LRRTM4: variants seen among roughly 807,000 people sequenced by gnomAD.
LRRTM4 encodes the protein leucine rich repeat transmembrane neuronal 4.
LRRTM4 carries 25 observed loss-of-function variants against 47.6 expected under a neutral mutation model. The ratio of observed to expected loss-of-function variants is 0.53; its 90% CI spans 0.38 to 0.73. The LOEUF (loss-of-function observed/expected upper bound fraction) is 0.73. LRRTM4 is among the 30% of genes least tolerant of loss of function. LRRTM4 has a pLI of 0.00. For missense variants in LRRTM4, 638 were observed against 713.4 expected (o/e 0.89, Z 1.20); for synonymous variants, 311 against 269.5 (o/e 1.15, Z -1.51).
chr2:77,202,750 C>G (rs983137517), intron 3 of LRRTM4, among the ~76,000 whole-genome samples: 1 of 151,712 alleles, frequency 6.6e-6, no homozygotes, highest in Non-Finnish European at 1.5e-5. Flanking sequence ...ACAGTTATCA[C>G]TTTTATTTGT....
chr2:76,978,537 TAG>T (rs1194579467), intron 3 of LRRTM4, among the ~76,000 whole-genome samples: 7 of 152,068 alleles, frequency 4.6e-5, no homozygotes, highest in Non-Finnish European at 7.4e-5. Context: ...ATGGATGAGA[TAG>T]AGAGACATGG....
intron 3 of LRRTM4, among the ~76,000 whole-genome samples, chr2:77,248,797 G>A (rs1318048641): frequency 6.6e-6 from 1 of 151,860 alleles, no homozygotes; most frequent in Non-Finnish European, 1.5e-5. Flanking sequence ...TAATGGAGAA[G>A]AACAATCTTT....
intron 3 of LRRTM4, among the ~76,000 whole-genome samples, chr2:76,855,230 C>A (rs1672115092): frequency 6.6e-6 from 1 of 152,204 alleles, no homozygotes; most frequent in East Asian, 1.9e-4. Context: ...CCCGTGTAAG[C>A]CATCAGTTGT....
At chr2:77,090,881 T>G (rs982893538) in intron 3 of LRRTM4, among the ~76,000 whole-genome samples, 8 of 152,014 alleles carry the variant, frequency 5.3e-5, no homozygotes, top group Non-Finnish European at 1.0e-4. Context: ...CCCTAGACCA[T>G]CACGGACGCC....
At position 77,012,272 on chromosome 2, in the gene LRRTM4, CATT is replaced by C. The variant is rs527721516; in HGVS notation, c.1552-263359_1552-263357del. 4.6e-4 allele frequency among the ~76,000 whole-genome samples: 70 copies of C among 152,110 alleles called. No individual in the cohort carries two copies. In the South Asian group the frequency reaches 8.5e-3, roughly 18 times the overall value. ...AGAAATAATTATTATTTTCAAATAACATTATTATTTCCAAGAATAATCATTTTT... is the reference window on the plus strand; with the variant it reads ...AGAAATAATTATTATTTTCAAATAACATTATTTCCAAGAATAATCATTTTT... On this transcript the variant is annotated intron_variant, in intron 3 of 3. Coordinates refer to ENST00000409884, the MANE Select transcript of LRRTM4 (RefSeq NM_001134745.3).
chr2:77,212,652 G>A lies in LRRTM4; in HGVS notation c.1551+305666C>T, dbSNP rs555494238. On this transcript the variant is annotated intron_variant, in intron 3 of 3. Transcript: ENST00000409884. ...ATGAACTGTCTTACACCAAATAACC[G>A]ACAAATTATTGCACTAGTTTGAGAA... Among the ~76,000 whole-genome samples the A allele has an allele frequency of 3.3e-5, 5 of 151,474 alleles. No homozygotes were observed. In the South Asian group the frequency reaches 6.3e-4, roughly 19 times the overall value.
At chr2:77,516,797 G>T in intron 3 of LRRTM4, 1 of 978,118 alleles carries the variant, frequency 1.0e-6, no homozygotes, top group Non-Finnish European at 1.2e-6. Context: ...TGAATTCTTT[G>T]AAGAACAGTT....
chr2:76,970,441 C>T (rs372142563), intron 3 of LRRTM4, among the ~76,000 whole-genome samples: 4 of 151,856 alleles, frequency 2.6e-5, no homozygotes, highest in Non-Finnish European at 4.4e-5. Flanking sequence ...AAGTGATAAG[C>T]GTATTGATTC....
chr2:77,142,103 G>C (rs1342497684), intron 3 of LRRTM4, among the ~76,000 whole-genome samples: 1 of 152,168 alleles, frequency 6.6e-6, no homozygotes. Flanking sequence ...TTCACTAACA[G>C]CTGTAGGTTT....
intron 3 of LRRTM4, among the ~76,000 whole-genome samples, chr2:77,486,656 G>A (rs752679407): frequency 7.2e-5 from 11 of 152,138 alleles, no homozygotes; most frequent in Non-Finnish European, 1.6e-4. Flanking sequence ...AATGTAAAAT[G>A]TAACAAATAT....
chr2:77,182,642 T>G (rs564912353), intron 3 of LRRTM4, among the ~76,000 whole-genome samples: 3 of 152,166 alleles, frequency 2.0e-5, no homozygotes, highest in Non-Finnish European at 4.4e-5. Context: ...CAGGGACAAT[T>G]TGACTTCCTC....
At chr2:77,335,037 TC>T in intron 3 of LRRTM4, among the ~76,000 whole-genome samples, 1 of 152,294 alleles carries the variant, frequency 6.6e-6, no homozygotes, top group Non-Finnish European at 1.5e-5. Flanking sequence ...TTTTTCCTTT[TC>T]CTTTCTCATT....
chr2:77,459,685 G>C (rs925999628), intron 3 of LRRTM4, among the ~76,000 whole-genome samples: 1 of 149,832 alleles, frequency 6.7e-6, no homozygotes, highest in Non-Finnish European at 1.5e-5. Context: ...AGTAAAACAA[G>C]AGACCGAAAA....
intron 3 of LRRTM4, among the ~76,000 whole-genome samples, chr2:77,460,535 A>G (rs1164582053): frequency 6.6e-6 from 1 of 152,178 alleles, no homozygotes; most frequent in African/African-American, 2.4e-5. Context: ...AGGTCATTTT[A>G]GTAATTCCTG....
intron 3 of LRRTM4, among the ~76,000 whole-genome samples, chr2:76,919,487 C>T (rs1329561791): frequency 2.0e-5 from 3 of 152,106 alleles, no homozygotes; most frequent in African/African-American, 7.2e-5. Context: ...GTTTGAGCAA[C>T]CCAGCCCTTC....
At chr2:77,513,408 G>A (rs933670234) in intron 3 of LRRTM4, among the ~76,000 whole-genome samples, 1 of 152,076 alleles carries the variant, frequency 6.6e-6, no homozygotes, top group South Asian at 2.1e-4. Context: ...TGTGCTAGCT[G>A]AGTCACTCGT....
In LRRTM4 at chr2:77,419,291, T is replaced by C. The variant is rs560809022; in HGVS notation, c.1551+99027A>G. Among the ~76,000 whole-genome samples the C allele has an allele frequency of 1.8e-4, 28 of 152,330 alleles. No individual in the cohort carries two copies. In the East Asian group the frequency reaches 5.2e-3, roughly 28 times the overall value. ...ATGGCTAAGAAACATTAATGCTGTG[T>C]CAATAGAATGTTCCACATTTTGGCA... On this transcript the variant is annotated intron_variant, in intron 3 of 3. Transcript: ENST00000409884.
At chr2:76,885,890 A>G (rs1288545779) in intron 3 of LRRTM4, among the ~76,000 whole-genome samples, 2 of 152,222 alleles carry the variant, frequency 1.3e-5, no homozygotes, top group African/African-American at 2.4e-5. Context: ...AGATCATAAA[A>G]AAAAAGACAT....
Position 77,438,414 on chromosome 2 carries a change from T to C in LRRTM4, c.1551+79904A>G, listed in dbSNP as rs1404883022. On this transcript the variant is annotated intron_variant, in intron 3 of 3. Transcript: ENST00000409884. ...GATAATTTTTTTTTTTTTTTTTTTT[T>C]TTTTTTTTTTGAGATGGAGTCTCGC... Among the ~76,000 whole-genome samples, 4 of 85,608 alleles carry C rather than the reference T, an allele frequency of 4.7e-5. No individual in the cohort carries two copies. In the South Asian group the frequency reaches 1.8e-3, roughly 38 times the overall value. The allele number at this position is 85,608 out of a possible 152,430, so 56.2% of individuals were successfully genotyped here.
Sources: allele counts gnomAD v4.1 joint callset (sites outside exome capture counted in the v4.1 genomes callset), GRCh38; gene constraint gnomAD v4.1.1; transcripts MANE v1.5; gene names NCBI Gene and HGNC (gene_info 2026-07-23, HGNC 2026-07-21).